The following PROC variants were observed in gnomAD, a reference collection of about 807,000 sequenced individuals.
PROC encodes protein C, inactivator of coagulation factors Va and VIIIa, also known as vitamin K-dependent protein C.
A neutral mutation model predicts 36.3 loss-of-function variants in PROC; 22 were observed. The observed-to-expected ratio is 0.61, with a 90% CI of 0.43 to 0.86. The LOEUF is 0.86. Ranked by LOEUF, PROC falls within the 40% of genes least tolerant of loss-of-function variation. The probability of loss-of-function intolerance (pLI) is 0.00; values close to 1 mark genes in which losing one functional copy is unlikely to be tolerated. For synonymous variants in PROC, 218 were observed against 244.5 expected (o/e 0.89, Z 1.01); for missense variants, 526 against 629.7 (o/e 0.84, Z 1.76).
Position 127,423,380 on chromosome 2 carries a change from G to T in PROC, c.507G>T (p.Gly169=). 1.3e-6 allele frequency: 2 copies of T among 1,550,552 alleles called. No homozygotes were observed. Residue 169 remains glycine, a synonymous_variant, in exon 6 of 9, where the codon GGG becomes GGT. Transcript: ENST00000234071. The part of the protein sequence containing the change: ...RCSCAPGYKL[G]DDLLQCHPAV... ...GCTGTGCGCCTGGCTACAAGCTGGG[G>T]GACGACCTCCTGCAGTGTCACCCCG...
At chr2:127,420,873 C>T (rs1173226548) in intron 2 of PROC, among the ~76,000 whole-genome samples, 1 of 152,196 alleles carries the variant, frequency 6.6e-6, no homozygotes, top group African/African-American at 2.4e-5. Context: ...GAGGATTTAA[C>T]TTGGCAGCCT....
rs1382267991 is a variant in PROC, at chr2:127,426,011, G to A, written c.536-74G>A. 1.9e-6 allele frequency: 3 copies of A among 1,598,410 alleles called. No homozygotes were observed. The highest frequency in any genetic ancestry group is 1.7e-5 in the Admixed American group (1 of 59,720). Reference sequence around the variant, plus strand: ...CTGTGGCAAAGTGGCCCACAGGCTGGAGGAGGACCAAGACAGGAGGGCAGT... The same window carrying A: ...CTGTGGCAAAGTGGCCCACAGGCTGAAGGAGGACCAAGACAGGAGGGCAGT... On this transcript the variant is annotated intron_variant, in intron 6 of 8. Transcript: ENST00000234071. The surrounding 1 kb of genome is among the most constrained non-coding windows in gnomAD (Gnocchi z 7.0).
chr2:127,419,369 G>A (rs969749376), intron 1 of PROC, among the ~76,000 whole-genome samples: 1 of 152,164 alleles, frequency 6.6e-6, no homozygotes. Flanking sequence ...AGAGCTTTAT[G>A]TGGACTAACT....
At chr2:127,423,977 CTT>C (rs1020112782) in intron 6 of PROC, among the ~76,000 whole-genome samples, 60 of 152,200 alleles carry the variant, frequency 3.9e-4, no homozygotes, top group African/African-American at 1.3e-3. Context: ...GGCATGGGTC[CTT>C]TTTTCATTCA....
Position 127,426,486 on chromosome 2 carries a change from A to T in PROC, c.678+259A>T. The stretch of plus-strand genomic sequence containing the variant: ...GGTTACAGTTTCTAAAAAGAGCTGG[A>T]AAGACACTGCTCTGCTGGCGGGATT... On this transcript the variant is annotated intron_variant, in intron 7 of 8. Transcript: ENST00000234071. The surrounding 1 kb of genome is among the most constrained non-coding windows in gnomAD (Gnocchi z 7.0). 1.9e-6 allele frequency: 1 copy of T among 539,824 alleles called. No homozygotes were observed. The allele number at this position is 539,824 out of a possible 1,614,324, so 33.4% of individuals were successfully genotyped here.
intron 8 of PROC, among the ~76,000 whole-genome samples, chr2:127,427,821 G>A (rs1257541005): frequency 6.6e-6 from 1 of 152,214 alleles, no homozygotes; most frequent in Non-Finnish European, 1.5e-5. Context: ...CCCCCCGTGG[G>A]GCTTGGCTTA....
At chr2:127,427,259 G>C (rs1424596187) in intron 8 of PROC, 37 bp downstream of exon 8, 1 of 1,574,032 alleles carries the variant, frequency 6.4e-7, no homozygotes. Context: ...GGCTGCCAGA[G>C]GCCTGGGTAG....
intron 2 of PROC, 94 bp downstream of exon 2, chr2:127,420,106 C>G: frequency 7.1e-7 from 1 of 1,410,634 alleles, no homozygotes; most frequent in South Asian, 1.2e-5. Flanking sequence ...CACCATCTCT[C>G]TGAGCCCTGG....
chr2:127,428,485 G>A lies in PROC; in HGVS notation c.925G>A (p.Ala309Thr), dbSNP rs121918146. ...DIALLHLAQP[A>T]TLSQTIVPIC... ...CGCACTGCTGCACCTGGCCCAGCCC[G>A]CCACCCTCTCGCAGACCATAGTGCC... is the stretch of plus-strand genomic sequence containing the variant. The change falls in exon 9 of 9, where the codon GCC (alanine) becomes ACC (threonine). Residue 309 changes from alanine to threonine, a missense_variant. Coordinates refer to ENST00000234071, the MANE Select transcript of PROC (RefSeq NM_000312.4). 36 of 1,613,974 alleles carry A rather than the reference G, an allele frequency of 2.2e-5. No homozygotes were observed. The highest frequency in any genetic ancestry group is 2.7e-5 in the African/African-American group (2 of 74,936).
chr2:127,422,830 C>A (rs1342452054), intron 3 of PROC, 87 bp from the exon 4 acceptor site: 16 of 1,519,978 alleles, frequency 1.1e-5, no homozygotes, highest in African/African-American at 1.4e-5. Context: ...CCCTCCCCTG[C>A]CCGCTCACCC....
intron 3 of PROC, among the ~76,000 whole-genome samples, chr2:127,422,243 A>G (rs1688139989): frequency 6.6e-6 from 1 of 152,144 alleles, no homozygotes; most frequent in African/African-American, 2.4e-5. Context: ...CTCTTTCCCC[A>G]GTGGCCTCCC....
At chr2:127,419,686 C>A in intron 1 of PROC, 1 of 901,608 alleles carries the variant, frequency 1.1e-6, no homozygotes, top group Non-Finnish European at 1.6e-6. Flanking sequence ...TCCTGGCACC[C>A]TCTCCACTGC....
At position 127,420,103 on chromosome 2, in the gene PROC, T is replaced by C. The variant is rs2104940617; in HGVS notation, c.70+91T>C. The C allele has an allele frequency of 3.5e-6, 5 of 1,422,596 alleles. No homozygotes were observed. In the South Asian group the frequency reaches 5.9e-5, roughly 17 times the overall value. The allele number at this position is 1,422,596 out of a possible 1,614,324, so 88.1% of individuals were successfully genotyped here. ...CCAGGCCTTCACAGCTTCCACCATC[T>C]CTCTGAGCCCTGGGTGAGGTGAGGG... On this transcript the variant is annotated intron_variant, in intron 2 of 8. Transcript: ENST00000234071.
chr2:127,423,558 C>T (rs1688273679), intron 6 of PROC, 150 bp downstream of exon 6: 1 of 1,052,344 alleles, frequency 9.5e-7, no homozygotes, highest in African/African-American at 1.7e-5. Context: ...AGACGCGCCC[C>T]AACACCGGGG....
rs1456533664 is a variant in PROC, at chr2:127,426,144, C to T, written c.595C>T (p.Arg199Ter). The change falls in exon 7 of 9, where the codon CGA becomes TGA. Residue 199 changes from arginine (R) to a stop codon, truncating the protein, a stop_gained. Transcript: ENST00000234071. LOFTEE classifies it high-confidence loss of function. This position sits in a 1 kb window ranked among gnomAD's most constrained non-coding sequence, Gnocchi z 7.0. ...GGAGAAGAAGCGCAGTCACCTGAAA[C>T]GAGACACAGAAGACCAAGAAGACCA... Reference protein sequence around the residue: ...RMEKKRSHLKRDTEDQEDQVD... With the variant: ...RMEKKRSHLK The T allele has an allele frequency of 4.3e-6, 7 of 1,613,944 alleles. No homozygotes were observed. The highest frequency in any genetic ancestry group is 5.9e-6 in the Non-Finnish European group (7 of 1,180,008).
Position 127,428,460 on chromosome 2 carries a change from C to G in PROC, c.900C>G (p.Ile300Met). Residue 300 changes from isoleucine to methionine, a missense_variant, in exon 9 of 9, where the codon ATC becomes ATG. Ile to Met is a conservative substitution (Grantham distance 10, BLOSUM62 1). Transcript: ENST00000234071. ...GCAAGAGCACCACCGACAATGACAT[C>G]GCACTGCTGCACCTGGCCCAGCCCG... ...NYSKSTTDND[I>M]ALLHLAQPAT... 1 of 1,614,196 alleles carries G rather than the reference C, an allele frequency of 6.2e-7. No homozygotes were observed. Among genetic ancestry groups the G allele is most frequent in the Non-Finnish European group, 8.5e-7 (1 of 1,180,048 alleles).
At position 127,422,942 on chromosome 2, in the gene PROC, G is replaced by C. The variant is rs1272440643; in HGVS notation, c.262+1G>C. On this transcript the variant is annotated splice_donor_variant, in intron 4 of 8. Transcript: ENST00000234071. LOFTEE classifies it high-confidence loss of function. ...CTGGCCTTCTGGTCCAAGCACGTCG[G>C]TGAGTGCGTTCTAGATCCCCGGCTG... is the stretch of plus-strand genomic sequence containing the variant. The C allele has an allele frequency of 6.3e-7, 1 of 1,595,858 alleles. No individual in the cohort carries two copies. Among genetic ancestry groups the C allele is most frequent in the Admixed American group, 1.7e-5 (1 of 57,788 alleles).
rs540118149 is a variant in PROC at position 127,423,246 on chromosome 2, A to G, written c.401-28A>G. 47 of 1,534,964 alleles carry G rather than the reference A, an allele frequency of 3.1e-5. No individual in the cohort carries two copies. In the African/African-American group the frequency reaches 5.2e-4, roughly 17 times the overall value. ...GGGTTGGGGGCGCGGCACCAGCACC[A>G]GCTGCCCGCGCCCTCCCCTGCCCGC... On this transcript the variant is annotated intron_variant, in intron 5 of 8. Coordinates refer to ENST00000234071, the MANE Select transcript of PROC (RefSeq NM_000312.4).
Position 127,428,950 on chromosome 2 carries a change from C to A in PROC, c.*4C>A, listed in dbSNP as rs1160521010. Reference sequence around the variant, plus strand: ...CCAGAAGAGCTGGGCACCTTAGCGACCCTCCCTGCAGGGCTGGGCTTTTGC... The same window carrying A: ...CCAGAAGAGCTGGGCACCTTAGCGAACCTCCCTGCAGGGCTGGGCTTTTGC... On this transcript the variant is annotated 3_prime_UTR_variant, in exon 9 of 9. Coordinates refer to ENST00000234071, the MANE Select transcript of PROC (RefSeq NM_000312.4). 6 of 1,613,766 alleles carry A rather than the reference C, an allele frequency of 3.7e-6. No homozygotes were observed. Among genetic ancestry groups the A allele is most frequent in the South Asian group, 1.1e-5 (1 of 91,088 alleles).
Sources: allele counts gnomAD v4.1 joint callset (sites outside exome capture counted in the v4.1 genomes callset), GRCh38; gene constraint gnomAD v4.1.1; non-coding constraint Gnocchi (gnomAD v3.1); transcripts MANE v1.5; gene names NCBI Gene and HGNC (gene_info 2026-07-23, HGNC 2026-07-21).